The following ERBIN variants were observed in gnomAD, a reference collection of about 807,000 sequenced individuals.
ERBIN encodes erbb2 interacting protein, also known as densin-180-like protein.
Under a neutral mutation model 158.4 loss-of-function variants are expected in ERBIN, and 60 were observed. That is an observed-to-expected ratio of 0.38 (90% CI 0.31 to 0.47). The LOEUF (loss-of-function observed/expected upper bound fraction) is 0.47, where lower values mean the gene tolerates loss of function less well. Ranked by LOEUF, ERBIN falls within the 20% of genes least tolerant of loss-of-function variation. The pLI is 0.99. For synonymous variants in ERBIN, 594 were observed against 557.2 expected, an observed-to-expected ratio of 1.07 and a Z score of -0.93; for missense variants, 1,610 against 1,648.0, an observed-to-expected ratio of 0.98 and a Z score of 0.40.
chr5:65,994,310 G>A (rs770262447), intron 3 of ERBIN, among the ~76,000 whole-genome samples: 28 of 152,170 alleles, frequency 1.8e-4, no homozygotes, highest in Non-Finnish European at 3.7e-4. Flanking sequence ...TTGGTGAAAA[G>A]AGAAAGTCTT....
intron 4 of ERBIN, among the ~76,000 whole-genome samples, chr5:66,010,104 C>T (rs1227731638): frequency 6.6e-6 from 1 of 152,052 alleles, no homozygotes; most frequent in African/African-American, 2.4e-5. Flanking sequence ...GTTACTTTCG[C>T]GTATTGCATT....
At chr5:66,061,779 A>G (rs542071198) in intron 21 of ERBIN, among the ~76,000 whole-genome samples, 111 of 152,112 alleles carry the variant, frequency 7.3e-4, no homozygotes, top group African/African-American at 2.5e-3. Flanking sequence ...TCTGTAAGGT[A>G]TTTTATTTCT....
chr5:65,956,289 A>G (rs1431009417), intron 1 of ERBIN, among the ~76,000 whole-genome samples: 1 of 151,902 alleles, frequency 6.6e-6, no homozygotes, highest in African/African-American at 2.4e-5. Context: ...TTAAATGCCC[A>G]TATAGCATGC....
chr5:65,955,067 TAAAAACAAAACAAG>T (rs1019552880), intron 1 of ERBIN, among the ~76,000 whole-genome samples: 8 of 151,798 alleles, frequency 5.3e-5, no homozygotes, highest in South Asian at 2.1e-4. Context: ...TTCCGTCTTA[TAAAAACAAAACAAG>T]AAAAACAAAA....
chr5:66,059,537 C>G (rs1760015955), intron 21 of ERBIN, among the ~76,000 whole-genome samples: 1 of 152,158 alleles, frequency 6.6e-6, no homozygotes, highest in Non-Finnish European at 1.5e-5. Context: ...ATTTCCTTCT[C>G]CTGCCTGATT....
intron 1 of ERBIN, among the ~76,000 whole-genome samples, chr5:65,955,184 T>C (rs570093380): frequency 3.0e-4 from 46 of 152,340 alleles, no homozygotes; most frequent in African/African-American, 6.0e-4. Flanking sequence ...CCATTTTTTT[T>C]CTAAAGAAAA....
At chr5:66,033,966 G>A (rs756210629) in intron 14 of ERBIN, among the ~76,000 whole-genome samples, 4 of 151,934 alleles carry the variant, frequency 2.6e-5, no homozygotes, top group Non-Finnish European at 2.9e-5. Context: ...AAAATTAGCC[G>A]GGCGTGGTGG....
intron 1 of ERBIN, among the ~76,000 whole-genome samples, chr5:65,974,537 G>A (rs995770858): frequency 1.2e-4 from 19 of 152,166 alleles, no homozygotes; most frequent in African/African-American, 2.2e-4. Flanking sequence ...GTTATCTTTA[G>A]GGATGACATT....
intron 1 of ERBIN, among the ~76,000 whole-genome samples, chr5:65,947,777 C>T (rs532403964): frequency 6.6e-6 from 1 of 152,186 alleles, no homozygotes; most frequent in Admixed American, 6.5e-5. Context: ...GAGGCCGAGG[C>T]AGGCAGATCA....
At position 65,955,082 on chromosome 5, in the gene ERBIN, A is replaced by C. The variant is rs138394467; in HGVS notation, c.-58+28276A>C. ...TTCCGTCTTATAAAAACAAAACAAGAAAAACAAAACAAAAAGTGCACCATA... is the reference window on the plus strand; with the variant it reads ...TTCCGTCTTATAAAAACAAAACAAGCAAAACAAAACAAAAAGTGCACCATA... On this transcript the variant is annotated intron_variant, in intron 1 of 25. Coordinates refer to ENST00000284037, the MANE Select transcript of ERBIN (RefSeq NM_001253697.2). 2.2e-4 allele frequency among the ~76,000 whole-genome samples: 34 copies of C among 152,196 alleles called. No homozygotes were observed. The East Asian group carries it at 4.8e-3, about 22-fold the overall frequency.
At chr5:65,960,855 A>G (rs1257697600) in intron 1 of ERBIN, among the ~76,000 whole-genome samples, 1 of 152,208 alleles carries the variant, frequency 6.6e-6, no homozygotes, top group Non-Finnish European at 1.5e-5. Context: ...TTAGATAATT[A>G]TAATTTTTTT....
At chr5:66,056,417 T>G (rs1345184714) in intron 21 of ERBIN, among the ~76,000 whole-genome samples, 1 of 152,140 alleles carries the variant, frequency 6.6e-6, no homozygotes, top group African/African-American at 2.4e-5. Flanking sequence ...GAGTTTGGTT[T>G]TTATGTTCTG....
intron 21 of ERBIN, among the ~76,000 whole-genome samples, chr5:66,066,944 G>A (rs1761058284): frequency 6.6e-6 from 1 of 152,162 alleles, no homozygotes; most frequent in Admixed American, 6.5e-5. Flanking sequence ...AATATTTACA[G>A]TAAGCTCATG....
chr5:66,065,942 C>T (rs6872679), intron 21 of ERBIN, among the ~76,000 whole-genome samples: 2,668 of 152,044 alleles, frequency 0.018, 81 homozygotes, highest in African/African-American at 0.062. Context: ...CCACCAGCCT[C>T]CTAAAAATAA....
chr5:65,944,338 T>G (rs1041816645), intron 1 of ERBIN, among the ~76,000 whole-genome samples: 4 of 152,128 alleles, frequency 2.6e-5, no homozygotes, highest in African/African-American at 7.2e-5. Flanking sequence ...ATTTTGTTTC[T>G]TTGATAATAG....
intron 21 of ERBIN, chr5:66,068,875 A>G (rs1761270137): frequency 6.5e-7 from 1 of 1,530,536 alleles, no homozygotes; most frequent in Non-Finnish European, 8.7e-7. Context: ...CTCTTTATTC[A>G]GAGCATGCTG....
chr5:66,072,147 CT>C, intron 21 of ERBIN, 21 bp from the exon 22 acceptor site: 7 of 1,544,144 alleles, frequency 4.5e-6, no homozygotes, highest in African/African-American at 1.4e-5. Flanking sequence ...TATTTGTTTA[CT>C]TTTTATTTCC....
At chr5:65,988,983 CAAA>C (rs34731955) in intron 2 of ERBIN, among the ~76,000 whole-genome samples, 21 of 62,878 alleles carry the variant, frequency 3.3e-4, no homozygotes, top group Non-Finnish European at 2.7e-4. Context: ...ACCCTGTTTC[CAAA>C]AAAAAAAAAA....
chr5:66,052,082 A>C (rs1283030529), intron 20 of ERBIN, among the ~76,000 whole-genome samples: 2 of 151,908 alleles, frequency 1.3e-5, no homozygotes, highest in African/African-American at 4.8e-5. Flanking sequence ...CTGTAGTCCC[A>C]GCTACTCGAG....
Sources: allele counts gnomAD v4.1 joint callset (sites outside exome capture counted in the v4.1 genomes callset), GRCh38; gene constraint gnomAD v4.1.1; transcripts MANE v1.5; gene names NCBI Gene and HGNC (gene_info 2026-07-23, HGNC 2026-07-21).